Variants in USP37 observed in about 807,000 individuals in gnomAD.
USP37 encodes the protein ubiquitin specific peptidase 37.
A neutral mutation model predicts 124.0 loss-of-function variants in USP37; 27 were observed. The ratio of observed to expected loss-of-function variants is 0.22; its 90% confidence interval spans 0.16 to 0.30. USP37 has a LOEUF of 0.30. USP37 is among the 10% of genes least tolerant of loss of function. The pLI, the probability that USP37 is intolerant of heterozygous loss-of-function variation, is 1.00. For missense variants in USP37, 889 were observed against 1,140.4 expected (o/e 0.78, Z 3.17); for synonymous variants, 365 against 388.0 (o/e 0.94, Z 0.70).
intron 16 of USP37, among the ~76,000 whole-genome samples, chr2:218,483,593 GAAAAAAAAA>G (rs773885068): frequency 8.8e-6 from 1 of 114,028 alleles, no homozygotes; most frequent in Non-Finnish European, 1.9e-5. Context: ...GATCTACCAG[GAAAAAAAAA>G]AAAAAGAAAA....
In USP37 at chr2:218,454,802, G is replaced by T; in HGVS notation, c.*128C>A. Reference sequence around the variant, plus strand: ...ACGTTACTCCAATTTTTGTCTTTTGGTTTGGCCCTGAGCTGTTTGTTGCTC... The same window carrying T: ...ACGTTACTCCAATTTTTGTCTTTTGTTTTGGCCCTGAGCTGTTTGTTGCTC... On this transcript the variant is annotated 3_prime_UTR_variant, in exon 26 of 26. Transcript: ENST00000258399. The T allele has an allele frequency of 2.7e-6, 4 of 1,481,744 alleles. No homozygotes were observed. Among genetic ancestry groups the T allele is most frequent in the Non-Finnish European group, 2.7e-6 (3 of 1,121,760 alleles). The allele number at this position is 1,481,744 out of a possible 1,614,324, so 91.8% of individuals were successfully genotyped here.
At chr2:218,512,455 C>T (rs1690053431) in intron 10 of USP37, among the ~76,000 whole-genome samples, 2 of 152,032 alleles carry the variant, frequency 1.3e-5, no homozygotes, top group Admixed American at 6.6e-5. Flanking sequence ...TTGCAGTGAG[C>T]TGAGATCATG....
At position 218,534,707 on chromosome 2, in the gene USP37, CTATAGTTAATAATTTTACATCAATATAG is replaced by C. The variant is rs1404763647; in HGVS notation, c.681-29_681-2del. ...GGGATCTGTCATGGCCTTGTTGTTC[CTATAGTTAATAATTTTACATCAATATAG>C]TACAGGTGTATAAAAATATTGTTCT... On this transcript the variant is annotated splice_acceptor_variant and splice_polypyrimidine_tract_variant and intron_variant, in intron 8 of 25. Coordinates refer to ENST00000258399, the MANE Select transcript of USP37 (RefSeq NM_020935.3). LOFTEE classifies it high-confidence loss of function. 6 of 1,583,680 alleles carry C rather than the reference CTATAGTTAATAATTTTACATCAATATAG, an allele frequency of 3.8e-6. No individual in the cohort carries two copies. The highest frequency in any genetic ancestry group is 5.1e-6 in the Non-Finnish European group (6 of 1,165,588).
Position 218,562,666 on chromosome 2 carries a change from T to G in USP37, c.-89+7A>C. The G allele has an allele frequency of 2.5e-6, 1 of 398,476 alleles. No homozygotes were observed. The highest frequency in any genetic ancestry group is 4.4e-6 in the Non-Finnish European group (1 of 226,006). 24.7% of individuals were successfully genotyped at this position (398,476 alleles called of 1,614,324 possible). A position where few individuals can be genotyped will look rare whatever the true frequency, so the allele number is the denominator to read the frequency against. On this transcript the variant is annotated splice_region_variant and intron_variant, in intron 2 of 25. Coordinates refer to ENST00000258399, the MANE Select transcript of USP37 (RefSeq NM_020935.3). ...AAACATATATCCAAAACAAAAACAT[T>G]ACTTACTTTTCAGTGACTTTTACCG...
Position 218,553,712 on chromosome 2 carries a change from T to C in USP37, c.169A>G (p.Ile57Val), listed in dbSNP as rs1208365892. The change falls in exon 5 of 26, where the codon ATT becomes GTT. Residue 57 changes from isoleucine (I) to valine (V), a missense_variant. Around this residue, in one of 3 missense-constraint regions of USP37, gnomAD observed 374 missense variants for 386.0 expected, o/e 0.97. Transcript: ENST00000258399. ...IPRIFQLSHNIKNVVLRPSGA... is the reference protein window; with the variant it reads ...IPRIFQLSHNVKNVVLRPSGA... ...CTGGGTCGAAGCACCACATTTTTAA[T>C]GTTATGACTTAGCTAATCAAGACAA... 4 of 1,609,214 alleles carry C rather than the reference T, an allele frequency of 2.5e-6. No homozygotes were observed. In the African/African-American group the frequency reaches 4.0e-5, roughly 16 times the overall value.
At chr2:218,510,902 G>A (rs1445133408) in intron 10 of USP37, among the ~76,000 whole-genome samples, 1 of 152,044 alleles carries the variant, frequency 6.6e-6, no homozygotes, top group Non-Finnish European at 1.5e-5. Flanking sequence ...GGCTGAGGTG[G>A]GCAGACTGAT....
chr2:218,513,904 G>C (rs1189988836), intron 10 of USP37, among the ~76,000 whole-genome samples: 6 of 152,110 alleles, frequency 3.9e-5, no homozygotes. Context: ...CTGCCTCCCA[G>C]GCTCAAGAGA....
At chr2:218,550,702 C>T (rs1342048567) in intron 5 of USP37, among the ~76,000 whole-genome samples, 1 of 150,884 alleles carries the variant, frequency 6.6e-6, no homozygotes, top group Admixed American at 6.6e-5. Context: ...CCTCACACTG[C>T]TACCAATGTG....
chr2:218,474,858 C>A lies in USP37; in HGVS notation c.2071G>T (p.Asp691Tyr), dbSNP rs545660141. The A allele has an allele frequency of 1.2e-5, 19 of 1,613,920 alleles. No homozygotes were observed. The African/African-American group carries it at 2.1e-4, about 18-fold the overall frequency. ...KDSKLCPIEP[D>Y]KSELENSGFD... Reference sequence around the variant, plus strand: ...CCTGAGTTTTCCAATTCAGACTTGTCAGGCTCTATTGGGCATAATTTTGAA... The same window carrying A: ...CCTGAGTTTTCCAATTCAGACTTGTAAGGCTCTATTGGGCATAATTTTGAA... The change falls in exon 20 of 26, where the codon GAC becomes TAC. Residue 691 changes from aspartate to tyrosine, a missense_variant. Asp to Tyr is a radical substitution (Grantham distance 160). Around this residue, in one of 3 missense-constraint regions of USP37, gnomAD observed 504 missense variants for 714.3 expected, o/e 0.71. Coordinates refer to ENST00000258399, the MANE Select transcript of USP37 (RefSeq NM_020935.3).
intron 20 of USP37, among the ~76,000 whole-genome samples, chr2:218,473,997 G>GT (rs1199161194): frequency 6.6e-6 from 1 of 152,128 alleles, no homozygotes; most frequent in African/African-American, 2.4e-5. Context: ...TAACACAATG[G>GT]TAAGTAGTTG....
intron 11 of USP37, chr2:218,501,142 T>G (rs1378745533): frequency 6.6e-6 from 1 of 151,442 alleles, no homozygotes; most frequent in Non-Finnish European, 1.5e-5. Flanking sequence ...CGGACTCAGA[T>G]GATCCTCCCA....
At position 218,497,844 on chromosome 2, in the gene USP37, A is replaced by G; in HGVS notation, c.1171T>C (p.Leu391=). Reference sequence around the variant, plus strand: ...TTACAGATATCTTTTTTAACAAGCAAGTGTGCAAAGCGTCTAGTAAAACAA... The same window carrying G: ...TTACAGATATCTTTTTTAACAAGCAGGTGTGCAAAGCGTCTAGTAAAACAA... ...LNALIRRFAH[L]LVKKDICNSE... is the part of the protein sequence containing the mutation. Residue 391 remains leucine, a synonymous_variant, in exon 13 of 26, where the codon TTG becomes CTG. Transcript: ENST00000258399. 6.2e-7 allele frequency: 1 copy of G among 1,613,942 alleles called. No homozygotes were observed.
At position 218,530,024 on chromosome 2, in the gene USP37, C is replaced by A. The variant is rs774227033; in HGVS notation, c.795G>T (p.Gln265His). 3.7e-6 allele frequency: 6 copies of A among 1,610,048 alleles called. No homozygotes were observed. The highest frequency in any genetic ancestry group is 5.1e-6 in the Non-Finnish European group (6 of 1,178,990). The change falls in exon 10 of 26, where the codon CAG becomes CAT. Residue 265 changes from glutamine (Q) to histidine (H), a missense_variant. By Grantham distance (24) the Gln-to-His change is conservative. This residue lies in a region of USP37 where 374 missense variants were observed against 386.0 expected (regional missense o/e 0.97). Transcript: ENST00000258399. ...CTCTGCTACCATAAAAGGATGATGA[C>A]TGTAAAGGTAAAAGCCCTATAAAAC... ...ENRTSGLLPL[Q>H]SSSFYGSRAG...
intron 20 of USP37, among the ~76,000 whole-genome samples, chr2:218,467,411 C>T (rs1053587771): frequency 6.6e-5 from 10 of 151,918 alleles, no homozygotes; most frequent in Admixed American, 4.6e-4. Context: ...TGCAGTGGCG[C>T]GATCTCGGCT....
At chr2:218,554,642 G>A (rs2106053599) in intron 4 of USP37, among the ~76,000 whole-genome samples, 1 of 152,070 alleles carries the variant, frequency 6.6e-6, no homozygotes, top group African/African-American at 2.4e-5. Context: ...AACTACTCGG[G>A]AGGCTGAGGC....
At chr2:218,535,854 C>CA (rs34543341) in intron 8 of USP37, among the ~76,000 whole-genome samples, 36 of 141,172 alleles carry the variant, frequency 2.6e-4, no homozygotes, top group Non-Finnish European at 2.2e-4. Context: ...GACTCTGTCT[C>CA]AAAAAAAAAA....
At chr2:218,480,414 A>T (rs1325759516) in intron 17 of USP37, among the ~76,000 whole-genome samples, 1 of 151,058 alleles carries the variant, frequency 6.6e-6, no homozygotes, top group Non-Finnish European at 1.5e-5. Flanking sequence ...AAAAAAAAAA[A>T]AAAAAAAAAA....
At chr2:218,544,562 T>C (rs1467800632) in intron 8 of USP37, among the ~76,000 whole-genome samples, 2 of 151,384 alleles carry the variant, frequency 1.3e-5, no homozygotes, top group African/African-American at 4.9e-5. Flanking sequence ...AAAAATATAG[T>C]CTTCAAAATC....
At chr2:218,503,356 A>G (rs981058871) in intron 11 of USP37, among the ~76,000 whole-genome samples, 1 of 152,276 alleles carries the variant, frequency 6.6e-6, no homozygotes, top group African/African-American at 2.4e-5. Flanking sequence ...AGGTAACTAC[A>G]CGGTACGTGA....
Sources: gnomAD v4.1 joint callset for allele counts (sites outside exome capture counted in the v4.1 genomes callset) on GRCh38, gnomAD v4.1.1 for gene constraint, gnomAD v4.1.1 regional missense constraint, MANE v1.5 for transcripts, NCBI Gene and HGNC (gene_info 2026-07-23, HGNC 2026-07-21) for gene names.